The following RBFOX3 variants were observed in gnomAD, a reference collection of about 807,000 sequenced individuals.
The protein encoded by RBFOX3 is RNA binding fox-1 homolog 3.
Under a neutral mutation model 48.7 loss-of-function variants are expected in RBFOX3, and 17 were observed. That is an observed-to-expected ratio of 0.35 (90% CI 0.24 to 0.52). RBFOX3 has a LOEUF of 0.52. Among genes scored for constraint, RBFOX3 ranks in the 20% least tolerant of loss-of-function variants. RBFOX3 has a pLI of 0.94. For missense variants in RBFOX3, 382 were observed against 497.5 expected (o/e 0.77, Z 2.21); for synonymous variants, 212 against 209.5 (o/e 1.01, Z -0.10).
At chr17:79,449,751 T>A (rs1555740424) in intron 2 of RBFOX3, among the ~76,000 whole-genome samples, 1 of 151,832 alleles carries the variant, frequency 6.6e-6, no homozygotes, top group Non-Finnish European at 1.5e-5. Context: ...GGGGCGCACA[T>A]ACATGGATGC....
intron 4 of RBFOX3, among the ~76,000 whole-genome samples, chr17:79,124,009 C>T (rs892383120): frequency 2.0e-5 from 3 of 152,226 alleles, no homozygotes; most frequent in African/African-American, 7.2e-5. Context: ...CCCTCCCACA[C>T]ACTCTACTGC....
At chr17:79,399,417 G>A (rs2062485975) in intron 2 of RBFOX3, among the ~76,000 whole-genome samples, 1 of 152,192 alleles carries the variant, frequency 6.6e-6, no homozygotes, top group Non-Finnish European at 1.5e-5. Context: ...TGACAGCATT[G>A]CACCAGCTTT....
chr17:79,358,472 C>G (rs1460857549), intron 2 of RBFOX3, among the ~76,000 whole-genome samples: 1 of 152,090 alleles, frequency 6.6e-6, no homozygotes, highest in East Asian at 1.9e-4. Flanking sequence ...TTCTTTTTCT[C>G]TTTTTTGAAA....
At chr17:79,510,371 C>T (rs1489395354) in intron 1 of RBFOX3, among the ~76,000 whole-genome samples, 9 of 152,332 alleles carry the variant, frequency 5.9e-5, no homozygotes, top group Middle Eastern at 3.4e-3. Flanking sequence ...ACGCAGGACA[C>T]GACAAGGGGC....
chr17:79,427,674 T>C (rs570278369), intron 2 of RBFOX3, among the ~76,000 whole-genome samples: 1 of 152,346 alleles, frequency 6.6e-6, no homozygotes, highest in South Asian at 2.1e-4. Context: ...AGGATCCTGT[T>C]GGGGAAACAT....
chr17:79,403,783 T>TTC (rs2063144625), intron 2 of RBFOX3, among the ~76,000 whole-genome samples: 1 of 21,814 alleles, frequency 4.6e-5, no homozygotes, highest in Admixed American at 4.8e-4. Context: ...GTTCTTTTTC[T>TTC]TTTTTTTTTT....
chr17:79,506,794 G>A (rs1374959318), intron 1 of RBFOX3, among the ~76,000 whole-genome samples: 1 of 152,214 alleles, frequency 6.6e-6, no homozygotes, highest in African/African-American at 2.4e-5. Flanking sequence ...GGCCGCAGAG[G>A]AGCGGCGGCC....
intron 1 of RBFOX3, among the ~76,000 whole-genome samples, chr17:79,571,886 A>G (rs1222702979): frequency 6.6e-6 from 1 of 152,134 alleles, no homozygotes; most frequent in Non-Finnish European, 1.5e-5. Context: ...GACTGTGCCT[A>G]TGAGCACCCC....
At chr17:79,425,445 G>A (rs1248935076) in intron 2 of RBFOX3, among the ~76,000 whole-genome samples, 2 of 152,236 alleles carry the variant, frequency 1.3e-5, no homozygotes, top group Non-Finnish European at 1.5e-5. Flanking sequence ...CCAGAGGAAG[G>A]AGGCACCTCC....
chr17:79,481,597 G>A lies in RBFOX3; in HGVS notation c.-175+857C>T, dbSNP rs2078785234. Among the ~76,000 whole-genome samples the A allele has an allele frequency of 6.6e-6, 1 of 152,136 alleles. No individual in the cohort carries two copies. Among genetic ancestry groups the A allele is most frequent in the African/African-American group, 2.4e-5 (1 of 41,422 alleles). ...TTGGAAATTTCACTCCCCACCTCAG[G>A]GGAGCAGAGAGGGCTAGAGACAGCT... On this transcript the variant is annotated intron_variant, in intron 2 of 14. Coordinates refer to ENST00000693108, the MANE Select transcript of RBFOX3 (RefSeq NM_001350451.2). This position sits in a 1 kb window ranked among gnomAD's most constrained non-coding sequence, Gnocchi z 5.4.
At chr17:79,592,511 G>C (rs933089084) in intron 1 of RBFOX3, among the ~76,000 whole-genome samples, 21 of 152,144 alleles carry the variant, frequency 1.4e-4, no homozygotes, top group African/African-American at 5.1e-4. Context: ...TATTGAACAG[G>C]TCACCCTGTG....
chr17:79,147,147 T>C (rs1428104414), intron 4 of RBFOX3, among the ~76,000 whole-genome samples: 2 of 152,280 alleles, frequency 1.3e-5, no homozygotes, highest in East Asian at 1.9e-4. Flanking sequence ...CCAAGGCTGC[T>C]CCCTTGCCCT....
intron 2 of RBFOX3, among the ~76,000 whole-genome samples, chr17:79,403,980 A>G (rs553732297): frequency 5.7e-4 from 87 of 152,094 alleles, no homozygotes; most frequent in African/African-American, 1.9e-3. Context: ...GGGTTTCACC[A>G]TGTTAACCAG....
At chr17:79,135,802 G>T (rs2040051271) in intron 4 of RBFOX3, among the ~76,000 whole-genome samples, 1 of 152,202 alleles carries the variant, frequency 6.6e-6, no homozygotes, top group South Asian at 2.1e-4. Context: ...CAAGGACTCA[G>T]AGATAGATGC....
chr17:79,209,259 T>C (rs1193034807), intron 4 of RBFOX3, among the ~76,000 whole-genome samples: 1 of 152,196 alleles, frequency 6.6e-6, no homozygotes, highest in Non-Finnish European at 1.5e-5. Context: ...AGCAGGCCAG[T>C]GCCTCCTTCT....
chr17:79,632,321 C>A, the RBFOX3 span, among the ~76,000 whole-genome samples: 1 of 152,090 alleles, frequency 6.6e-6, no homozygotes, highest in African/African-American at 2.4e-5. Flanking sequence ...TGTGCTGCTT[C>A]TGGAAACCAG....
intron 3 of RBFOX3, among the ~76,000 whole-genome samples, chr17:79,248,122 C>T (rs978637409): frequency 5.3e-5 from 8 of 152,348 alleles, no homozygotes; most frequent in African/African-American, 1.9e-4. Flanking sequence ...GGGCGGGGCT[C>T]TCCTCTACCT....
At chr17:79,416,314 T>G (rs1377947528) in intron 2 of RBFOX3, among the ~76,000 whole-genome samples, 2 of 152,198 alleles carry the variant, frequency 1.3e-5, no homozygotes, top group Non-Finnish European at 2.9e-5. Context: ...TGAGGTGCTT[T>G]GGCCATGGCC....
chr17:79,290,383 G>C (rs147314397), intron 3 of RBFOX3, among the ~76,000 whole-genome samples: 15 of 152,094 alleles, frequency 9.9e-5, no homozygotes, highest in Non-Finnish European at 2.1e-4. Context: ...GCCTCTAAGG[G>C]CCTCATTTTC....
Sources: gnomAD v4.1 joint callset for allele counts (sites outside exome capture counted in the v4.1 genomes callset) on GRCh38, gnomAD v4.1.1 for gene constraint, Gnocchi (gnomAD v3.1) non-coding constraint, MANE v1.5 for transcripts, NCBI Gene and HGNC (gene_info 2026-07-23, HGNC 2026-07-21) for gene names.